The following CERT1 variants were observed in gnomAD, a reference collection of about 807,000 sequenced individuals.
CERT1 encodes ceramide transporter 1, also known as ceramide transfer protein.
Under a neutral mutation model 87.9 loss-of-function variants are expected in CERT1, and 31 were observed. The ratio of observed to expected loss-of-function variants is 0.35; its 90% confidence interval spans 0.27 to 0.48. The LOEUF is 0.48. Ranked by LOEUF, CERT1 falls within the 20% of genes least tolerant of loss-of-function variation. CERT1 has a pLI of 0.99. For missense variants in CERT1, 487 were observed against 758.0 expected (o/e 0.64, Z 4.20); for synonymous variants, 289 against 250.9 (o/e 1.15, Z -1.44).
intron 3 of CERT1, among the ~76,000 whole-genome samples, chr5:75,457,447 A>C (rs1360708537): frequency 6.6e-6 from 1 of 152,182 alleles, no homozygotes; most frequent in Non-Finnish European, 1.5e-5. Flanking sequence ...GAGCATTGAG[A>C]TTTTTTGAAT....
At chr5:75,497,646 C>T (rs1434610215) in intron 2 of CERT1, among the ~76,000 whole-genome samples, 1 of 152,012 alleles carries the variant, frequency 6.6e-6, no homozygotes, top group Non-Finnish European at 1.5e-5. Flanking sequence ...TTTCCTGCCG[C>T]CCTGTTAAGA....
intron 4 of CERT1, 57 bp from the exon 5 acceptor site, chr5:75,425,556 T>C (rs1478281908): frequency 1.3e-5 from 20 of 1,549,722 alleles, no homozygotes; most frequent in Non-Finnish European, 1.7e-5. Flanking sequence ...GGATTTCATG[T>C]GGTCCTATGG....
intron 2 of CERT1, among the ~76,000 whole-genome samples, chr5:75,474,295 C>A (rs951907362): frequency 1.3e-5 from 2 of 152,110 alleles, no homozygotes; most frequent in African/African-American, 4.8e-5. Flanking sequence ...AAATTGTGCA[C>A]TTGAGGAGCT....
chr5:75,416,827 G>A (rs745714161), intron 7 of CERT1, 49 bp downstream of exon 7: 11 of 1,459,918 alleles, frequency 7.5e-6, no homozygotes, highest in Admixed American at 2.3e-5. Context: ...CAAACAATAC[G>A]TAAAACTTAA....
chr5:75,510,730 A>AGAG (rs777491246), intron 1 of CERT1, among the ~76,000 whole-genome samples: 1 of 152,122 alleles, frequency 6.6e-6, no homozygotes, highest in Non-Finnish European at 1.5e-5. Flanking sequence ...TGGCATCCTC[A>AGAG]GAGAGACCAA....
Position 75,471,754 on chromosome 5 carries a change from C to CAAA in CERT1, c.232-12576_232-12574dup, listed in dbSNP as rs796209502. Among the ~76,000 whole-genome samples, 100 of 50,660 alleles carry CAAA rather than the reference C, an allele frequency of 2.0e-3. 2 individuals are homozygous for CAAA. The highest frequency in any genetic ancestry group is 4.0e-3 in the African/African-American group (69 of 17,300). The allele number at this position is 50,660 out of a possible 152,430, so 33.2% of individuals were successfully genotyped here. A position where few individuals can be genotyped will look rare whatever the true frequency, so the allele number is the denominator to read the frequency against. Reference sequence around the variant, plus strand: ...CTTGTGACAGAGTGAGACTTCATCTCAAAAAAAAAAAAAAAAAAAAAGAAA... The same window carrying CAAA: ...CTTGTGACAGAGTGAGACTTCATCTCAAAAAAAAAAAAAAAAAAAAAAAAGAAA... On this transcript the variant is annotated intron_variant, in intron 2 of 16. Transcript: ENST00000643780.
Position 75,377,794 on chromosome 5 carries a change from ACTTT to A in CERT1, c.*1548_*1551del, listed in dbSNP as rs1273447982. On this transcript the variant is annotated 3_prime_UTR_variant, in exon 17 of 17. Transcript: ENST00000643780. ...ACTGTATAACTTTTTCATACTTTTGACTTTATTTATTTATTTTTTGACAGACATT... is the reference window on the plus strand; with the variant it reads ...ACTGTATAACTTTTTCATACTTTTGAATTTATTTATTTTTTGACAGACATT... The A allele has an allele frequency of 6.7e-6, 1 of 149,672 alleles. No homozygotes were observed. The highest frequency in any genetic ancestry group is 2.4e-5 in the African/African-American group (1 of 40,880). The allele number at this position is 149,672 out of a possible 1,614,324, so 9.3% of individuals were successfully genotyped here.
At chr5:75,511,677 C>T (rs1233440974), upstream of CERT1, 1 of 1,527,256 alleles carries the variant, frequency 6.5e-7, no homozygotes. Flanking sequence ...CTCCCATTCT[C>T]CCCCACTACT....
intron 11 of CERT1, among the ~76,000 whole-genome samples, chr5:75,393,506 G>A (rs1025679086): frequency 6.7e-6 from 1 of 148,988 alleles, no homozygotes; most frequent in Non-Finnish European, 1.5e-5. Context: ...AGTTGGGCAT[G>A]GTGGTTCATG....
chr5:75,454,567 C>G (rs191328569), intron 3 of CERT1, among the ~76,000 whole-genome samples: 53 of 152,140 alleles, frequency 3.5e-4, no homozygotes, highest in African/African-American at 1.3e-3. Context: ...GAACTGCTAA[C>G]GAACATACAG....
intron 2 of CERT1, among the ~76,000 whole-genome samples, chr5:75,489,678 C>T (rs1276833684): frequency 6.6e-6 from 1 of 152,176 alleles, no homozygotes; most frequent in African/African-American, 2.4e-5. Context: ...ATCAAAACCA[C>T]AATGAGATAC....
At position 75,440,092 on chromosome 5, in the gene CERT1, C is replaced by G. The variant is rs112464337; in HGVS notation, c.349-13614G>C. 3.9e-3 allele frequency among the ~76,000 whole-genome samples: 598 copies of G among 152,024 alleles called. 6 individuals are homozygous for G. Among genetic ancestry groups the G allele is most frequent in the Admixed American group, 4.3e-3 (65 of 15,290 alleles). On this transcript the variant is annotated intron_variant, in intron 3 of 16. Transcript: ENST00000643780. ...CAGAAGTGTAATTCTCTATACTAAA[C>G]CTAAATACCAAGACTCAGACTGAAA... is the stretch of plus-strand genomic sequence containing the variant.
chr5:75,413,668 TACACAC>T (rs148440926), intron 7 of CERT1, among the ~76,000 whole-genome samples: 2 of 150,082 alleles, frequency 1.3e-5, no homozygotes, highest in African/African-American at 4.9e-5. Flanking sequence ...CCAACACCTA[TACACAC>T]ACACACACAC....
chr5:75,429,197 A>AATAATT (rs1340951985), intron 3 of CERT1, among the ~76,000 whole-genome samples: 60 of 146,710 alleles, frequency 4.1e-4, no homozygotes, highest in African/African-American at 1.1e-3. Flanking sequence ...TAATAATAAT[A>AATAATT]ATTATTATTA....
intron 12 of CERT1, 92 bp downstream of exon 12, chr5:75,389,500 G>T: frequency 1.1e-6 from 1 of 911,872 alleles, no homozygotes; most frequent in Non-Finnish European, 1.8e-6. Flanking sequence ...AAGGTAAGTT[G>T]AAAGTGCTAT....
chr5:75,448,374 C>T (rs1042427243), intron 3 of CERT1, among the ~76,000 whole-genome samples: 13 of 152,110 alleles, frequency 8.5e-5, no homozygotes, highest in African/African-American at 2.4e-4. Flanking sequence ...TTTTCAGTTA[C>T]GGTAATATTT....
At chr5:75,407,545 C>CA (rs145791979) in intron 8 of CERT1, among the ~76,000 whole-genome samples, 2,258 of 141,982 alleles carry the variant, frequency 0.016, 26 homozygotes, top group Non-Finnish European at 0.023. Flanking sequence ...AACAAACAAA[C>CA]AAAAAAAACG....
downstream of CERT1, chr5:75,374,540 T>G: frequency 1.4e-6 from 1 of 717,142 alleles, no homozygotes; most frequent in Non-Finnish European, 2.6e-6. Context: ...GCACGAACCG[T>G]GCCTGATGCG....
At chr5:75,384,246 T>C (rs1446569258) in intron 14 of CERT1, among the ~76,000 whole-genome samples, 2 of 152,178 alleles carry the variant, frequency 1.3e-5, no homozygotes, top group South Asian at 2.1e-4. Context: ...AAACTGTGTA[T>C]AAAGAAAGCT....
Sources: gnomAD v4.1 joint callset for allele counts (sites outside exome capture counted in the v4.1 genomes callset) on GRCh38, gnomAD v4.1.1 for gene constraint, MANE v1.5 for transcripts, NCBI Gene and HGNC (gene_info 2026-07-23, HGNC 2026-07-21) for gene names.